RIPOR3: variants seen among roughly 807,000 people sequenced by gnomAD.
The protein encoded by RIPOR3 is RIPOR family member 3.
Under a neutral mutation model 114.3 loss-of-function variants are expected in RIPOR3, and 95 were observed. That is an observed-to-expected ratio of 0.83 (90% CI 0.70 to 0.99). RIPOR3 has a LOEUF of 0.99. Ranked by LOEUF, RIPOR3 falls within the 50% of genes least tolerant of loss-of-function variation. The probability of loss-of-function intolerance (pLI) is 0.00; values close to 1 mark genes in which losing one functional copy is unlikely to be tolerated. For missense variants in RIPOR3, 1,252 were observed against 1,266.9 expected, an observed-to-expected ratio of 0.99 and a Z score of 0.18; for synonymous variants, 575 against 543.8, an observed-to-expected ratio of 1.06 and a Z score of -0.80.
At chr20:50,652,607 AAAAAAAG>A (rs1283619063) in intron 1 of RIPOR3, among the ~76,000 whole-genome samples, 48 of 150,280 alleles carry the variant, frequency 3.2e-4, no homozygotes, top group Admixed American at 8.0e-4. Context: ...AAAAAAAAAA[AAAAAAAG>A]AAAAGAAAAG....
At chr20:50,644,999 C>G (rs954433129) in intron 1 of RIPOR3, among the ~76,000 whole-genome samples, 2 of 151,938 alleles carry the variant, frequency 1.3e-5, no homozygotes, top group African/African-American at 4.8e-5. Context: ...GCCACCAAGC[C>G]CAGCTAATTT....
intron 1 of RIPOR3, among the ~76,000 whole-genome samples, chr20:50,633,135 G>A (rs940478329): frequency 8.5e-5 from 13 of 152,138 alleles, no homozygotes; most frequent in South Asian, 2.1e-4. Flanking sequence ...GGTGGCAGGC[G>A]CCTGTAATCC....
intron 5 of RIPOR3, 92 bp downstream of exon 5, chr20:50,611,089 C>T (rs1051643503): frequency 3.8e-6 from 6 of 1,599,398 alleles, no homozygotes; most frequent in Non-Finnish European, 5.1e-6. Context: ...CCCAGGTTTT[C>T]TGCCCATCAG....
chr20:50,629,341 G>C (rs1387884760), intron 2 of RIPOR3, among the ~76,000 whole-genome samples: 1 of 152,184 alleles, frequency 6.6e-6, no homozygotes. Context: ...ACAGACAGAG[G>C]TTTGGCCCCT....
chr20:50,596,351 C>T, intron 14 of RIPOR3, 88 bp from the exon 15 acceptor site: 1 of 1,577,674 alleles, frequency 6.3e-7, no homozygotes. Flanking sequence ...CCAGCGAGCC[C>T]CAGGTCAGGA....
At chr20:50,610,960 C>A (rs753504754) in intron 5 of RIPOR3, 54 bp from the exon 6 acceptor site, 8 of 1,611,046 alleles carry the variant, frequency 5.0e-6, no homozygotes, top group Non-Finnish European at 6.8e-6. Context: ...CACCCACCTG[C>A]CCCGCTTGCC....
intron 16 of RIPOR3, 155 bp downstream of exon 16, chr20:50,595,212 CAA>C (rs905265662): frequency 1.9e-5 from 18 of 947,708 alleles, no homozygotes; most frequent in East Asian, 4.8e-5. Flanking sequence ...TACCTCCCCA[CAA>C]AGAGTGTGTA....
chr20:50,638,459 T>G (rs904754290), intron 1 of RIPOR3, among the ~76,000 whole-genome samples: 2 of 152,234 alleles, frequency 1.3e-5, no homozygotes, highest in African/African-American at 4.8e-5. Flanking sequence ...CTCATGAATT[T>G]CTTTGAATTA....
chr20:50,602,401 C>T lies in RIPOR3; in HGVS notation c.1330G>A (p.Glu444Lys). 1 of 1,610,820 alleles carries T rather than the reference C, an allele frequency of 6.2e-7. No homozygotes were observed. Among genetic ancestry groups the T allele is most frequent in the Non-Finnish European group, 8.5e-7 (1 of 1,178,410 alleles). The part of the protein sequence containing the change: ...LTFGPHASIE[E>K]EAREDPLPPG... ...GGCAGGGGGTCCTCCCGAGCCTCCTCTTCAATGGAGGCGTGGGGACCGAAG... is the reference window on the plus strand; with the variant it reads ...GGCAGGGGGTCCTCCCGAGCCTCCTTTTCAATGGAGGCGTGGGGACCGAAG... Residue 444 changes from glutamate (E) to lysine (K), a missense_variant, in exon 13 of 22, where the codon GAG becomes AAG. Physicochemically the swap from Glu to Lys is moderately conservative, Grantham distance 56 (BLOSUM62 1). Transcript: ENST00000327979. This position sits in a 1 kb window ranked among gnomAD's most constrained non-coding sequence, Gnocchi z 4.3.
At chr20:50,623,185 G>A (rs913911568) in intron 2 of RIPOR3, among the ~76,000 whole-genome samples, 11 of 151,342 alleles carry the variant, frequency 7.3e-5, no homozygotes, top group South Asian at 2.1e-4. Flanking sequence ...CACTTGAACC[G>A]GGAGGCAGAG....
chr20:50,643,125 T>A (rs1469017727), intron 1 of RIPOR3, among the ~76,000 whole-genome samples: 1 of 46,614 alleles, frequency 2.1e-5, no homozygotes, highest in African/African-American at 3.0e-4. Flanking sequence ...ATCTCAGCAC[T>A]TTTTTTTTTT....
intron 13 of RIPOR3, among the ~76,000 whole-genome samples, chr20:50,599,041 T>C (rs2083401085): frequency 6.6e-6 from 1 of 152,096 alleles, no homozygotes; most frequent in African/African-American, 2.4e-5. Flanking sequence ...AGCAGTTTTA[T>C]CAACTCAGCA....
At chr20:50,691,022 G>A (rs1232955036) in intron 1 of RIPOR3, 104 bp downstream of exon 1, 6 of 1,270,636 alleles carry the variant, frequency 4.7e-6, no homozygotes, top group Non-Finnish European at 6.2e-6. Context: ...GCTCCAGGTG[G>A]CCTGTGAGGA....
At chr20:50,663,867 T>C (rs1023622243) in intron 1 of RIPOR3, among the ~76,000 whole-genome samples, 1 of 152,132 alleles carries the variant, frequency 6.6e-6, no homozygotes, top group Non-Finnish European at 1.5e-5. Context: ...GAGCACATTA[T>C]TAGATTTAAT....
intron 1 of RIPOR3, among the ~76,000 whole-genome samples, chr20:50,665,838 G>A (rs956168926): frequency 6.6e-6 from 1 of 152,098 alleles, no homozygotes; most frequent in Non-Finnish European, 1.5e-5. Context: ...GTTCAACCAA[G>A]GAATCTGCTC....
Position 50,608,719 on chromosome 20 carries a change from C to A in RIPOR3, c.704G>T (p.Arg235Leu). ...DHYEVLMRLG[R>L]QRWKLKGRIE... ...CCGACCCTTGAGCTTCCAACGCTGG[C>A]GGCCCAGACGCATGAGCACCTGTGA... The change falls in exon 10 of 22, where the codon CGC becomes CTC. Residue 235 changes from arginine (R) to leucine (L), a missense_variant. Physicochemically the swap from Arg to Leu is moderately radical, Grantham distance 102. Transcript: ENST00000327979. 6.2e-7 allele frequency: 1 copy of A among 1,614,044 alleles called. No individual in the cohort carries two copies. The highest frequency in any genetic ancestry group is 1.1e-5 in the South Asian group (1 of 91,082).
intron 18 of RIPOR3, 150 bp from the exon 19 acceptor site, chr20:50,592,696 A>T (rs1270818123): frequency 2.8e-6 from 2 of 716,630 alleles, no homozygotes; most frequent in Non-Finnish European, 4.2e-6. Context: ...GACTAATTTC[A>T]CAGGGAGCTC....
At chr20:50,618,637 A>G (rs553989656) in intron 3 of RIPOR3, among the ~76,000 whole-genome samples, 9 of 152,200 alleles carry the variant, frequency 5.9e-5, no homozygotes, top group African/African-American at 1.9e-4. Context: ...TGTGGCCCTT[A>G]CTACCATCTG....
chr20:50,593,775 A>G (rs1043360858), intron 17 of RIPOR3, among the ~76,000 whole-genome samples: 1 of 152,098 alleles, frequency 6.6e-6, no homozygotes, highest in Non-Finnish European at 1.5e-5. Context: ...GGGAATATGC[A>G]TGTCAACAAG....
Sources: allele counts gnomAD v4.1 joint callset (sites outside exome capture counted in the v4.1 genomes callset), GRCh38; gene constraint gnomAD v4.1.1; non-coding constraint Gnocchi (gnomAD v3.1); transcripts MANE v1.5; gene names NCBI Gene and HGNC (gene_info 2026-07-23, HGNC 2026-07-21).